Variants in CNTN4 observed in about 807,000 individuals in gnomAD.
The protein encoded by CNTN4 is contactin-4.
A neutral mutation model predicts 122.5 loss-of-function variants in CNTN4; 77 were observed. The observed-to-expected ratio is 0.63, with a 90% CI of 0.52 to 0.76. The LOEUF is 0.76. CNTN4 is among the 30% of genes least tolerant of loss of function. The probability of loss-of-function intolerance (pLI) is 0.00; values close to 1 mark genes in which losing one functional copy is unlikely to be tolerated. For synonymous variants in CNTN4, 512 were observed against 447.0 expected, an observed-to-expected ratio of 1.15 and a Z score of -1.83; for missense variants, 1,256 against 1,259.1, an observed-to-expected ratio of 1.00 and a Z score of 0.04.
intron 4 of CNTN4, among the ~76,000 whole-genome samples, chr3:2,705,581 A>T (rs1486728508): frequency 3.0e-4 from 1 of 3,370 alleles, no homozygotes; most frequent in East Asian, 8.5e-3. Context: ...AAATTTATTT[A>T]TATATATAAA....
chr3:2,526,643 T>C (rs2077407891), intron 3 of CNTN4, among the ~76,000 whole-genome samples: 1 of 152,158 alleles, frequency 6.6e-6, no homozygotes, highest in African/African-American at 2.4e-5. Context: ...TCATGTACTT[T>C]TTTGAAATGG....
rs370146339 is a variant in CNTN4, at chr3:2,840,431, T to A, written c.454+20850T>A. 2.5e-4 allele frequency among the ~76,000 whole-genome samples: 38 copies of A among 151,666 alleles called. No homozygotes were observed. The East Asian group carries it at 5.1e-3, about 20-fold the overall frequency. The stretch of plus-strand genomic sequence containing the variant: ...TTTAGAAAAGCTGGGGCCGGCGCGG[T>A]GGCTCACGCCTGTCATCCCAGCACT... On this transcript the variant is annotated intron_variant, in intron 7 of 24. Transcript: ENST00000418658.
At chr3:2,716,282 G>A (rs1389830666) in intron 4 of CNTN4, among the ~76,000 whole-genome samples, 1 of 151,530 alleles carries the variant, frequency 6.6e-6, no homozygotes, top group Non-Finnish European at 1.5e-5. Context: ...TTGTAATTGA[G>A]ATAAAGCACA....
intron 10 of CNTN4, among the ~76,000 whole-genome samples, chr3:2,891,255 G>T (rs552556020): frequency 5.9e-5 from 9 of 152,218 alleles, no homozygotes; most frequent in Middle Eastern, 3.4e-3. Context: ...CTTGAGGCCA[G>T]GAATTCGAAA....
intron 2 of CNTN4, among the ~76,000 whole-genome samples, chr3:2,173,701 G>A (rs1035826842): frequency 4.6e-5 from 6 of 129,198 alleles, no homozygotes; most frequent in Admixed American, 2.9e-4. Flanking sequence ...AATTTGGTTC[G>A]ACTTGAACAC....
intron 2 of CNTN4, among the ~76,000 whole-genome samples, chr3:2,295,944 G>T (rs529613454): frequency 1.3e-5 from 2 of 151,964 alleles, no homozygotes; most frequent in African/African-American, 4.8e-5. Context: ...AATCCTTTCC[G>T]CATTTCTTGT....
rs140558672 is a variant in CNTN4, at chr3:2,656,516, T to C, written c.56-79699T>C. 6.0e-3 allele frequency among the ~76,000 whole-genome samples: 907 copies of C among 152,368 alleles called. 2 individuals carry two copies. Among genetic ancestry groups the C allele is most frequent in the Non-Finnish European group, 9.7e-3 (663 of 68,032 alleles). ...GTAAATTCCATGAAGACAGCAACTATGTCTGTTCTCTGTTTGAATCCCAAG... is the reference window on the plus strand; with the variant it reads ...GTAAATTCCATGAAGACAGCAACTACGTCTGTTCTCTGTTTGAATCCCAAG... On this transcript the variant is annotated intron_variant, in intron 4 of 24. Transcript: ENST00000418658.
chr3:2,568,853 T>C (rs1050963171), intron 3 of CNTN4, among the ~76,000 whole-genome samples: 1 of 152,216 alleles, frequency 6.6e-6, no homozygotes, highest in African/African-American at 2.4e-5. Context: ...GTAAATACTA[T>C]CATATCATGA....
At chr3:2,872,760 A>G (rs1349139889) in intron 8 of CNTN4, among the ~76,000 whole-genome samples, 5 of 152,072 alleles carry the variant, frequency 3.3e-5, no homozygotes, top group African/African-American at 4.8e-5. Flanking sequence ...TACATTTTGG[A>G]TATAGGTATG....
intron 7 of CNTN4, among the ~76,000 whole-genome samples, chr3:2,826,813 T>C (rs1346425524): frequency 6.6e-6 from 1 of 152,216 alleles, no homozygotes; most frequent in Non-Finnish European, 1.5e-5. Context: ...TCAAGTCAAG[T>C]TGCCAACTCT....
intron 2 of CNTN4, among the ~76,000 whole-genome samples, chr3:2,319,160 T>C (rs1233658174): frequency 6.6e-6 from 1 of 152,124 alleles, no homozygotes; most frequent in East Asian, 1.9e-4. Context: ...TATTAATCAA[T>C]ATATATCAAA....
intron 4 of CNTN4, among the ~76,000 whole-genome samples, chr3:2,699,088 A>G (rs2086210049): frequency 6.6e-6 from 1 of 152,116 alleles, no homozygotes; most frequent in East Asian, 1.9e-4. Context: ...TTTTATTTCT[A>G]ATTGGGAGAC....
At chr3:2,973,540 C>T (rs1036967174) in intron 13 of CNTN4, among the ~76,000 whole-genome samples, 1 of 151,998 alleles carries the variant, frequency 6.6e-6, no homozygotes, top group Non-Finnish European at 1.5e-5. Flanking sequence ...ACTAAGTAAT[C>T]TCTGACCTCT....
chr3:2,155,658 C>CACCATGAGATTTGGACCTCCAAGT (rs2035687165), intron 2 of CNTN4, among the ~76,000 whole-genome samples: 1 of 152,166 alleles, frequency 6.6e-6, no homozygotes, highest in Non-Finnish European at 1.5e-5. Context: ...GCTATCCAAG[C>CACCATGAGATTTGGACCTCCAAGT]ACCATGAGAT....
At chr3:2,547,656 C>T (rs900708774) in intron 3 of CNTN4, among the ~76,000 whole-genome samples, 6 of 152,040 alleles carry the variant, frequency 3.9e-5, no homozygotes, top group Non-Finnish European at 7.4e-5. Flanking sequence ...TCCAGAGAGG[C>T]TCAACTGGAA....
Position 2,465,479 on chromosome 3 carries a change from C to G in CNTN4, c.-88-105937C>G, listed in dbSNP as rs140999478. ...ATTGCCTGAGCTCAGGAGTTCGTGA[C>G]CAGCCTGGGCAACACGGTGAAACCC... On this transcript the variant is annotated intron_variant, in intron 3 of 24. Transcript: ENST00000418658. 2.3e-3 allele frequency among the ~76,000 whole-genome samples: 351 copies of G among 152,134 alleles called. 3 individuals are homozygous for G. The highest frequency in any genetic ancestry group is 8.2e-3 in the African/African-American group (339 of 41,496).
Position 2,333,370 on chromosome 3 carries a change from A to G in CNTN4, c.-144-5808A>G, listed in dbSNP as rs562286581. Among the ~76,000 whole-genome samples, 9 of 152,368 alleles carry G rather than the reference A, an allele frequency of 5.9e-5. No homozygotes were observed. In the East Asian group the frequency reaches 1.7e-3, roughly 29 times the overall value. ...TAATACTGTCATCTCAGGGAGAGCC[A>G]CTGTTCATTAGCTTAAATTGTCAGC... On this transcript the variant is annotated intron_variant, in intron 2 of 24. Transcript: ENST00000418658.
Position 2,662,653 on chromosome 3 carries a change from T to G in CNTN4, c.56-73562T>G, listed in dbSNP as rs143769587. 3.3e-5 allele frequency among the ~76,000 whole-genome samples: 5 copies of G among 152,096 alleles called. No homozygotes were observed. The East Asian group carries it at 9.6e-4, about 29-fold the overall frequency. On this transcript the variant is annotated intron_variant, in intron 4 of 24. Transcript: ENST00000418658. ...CTAGTCTCAACCTCAATGGGCAATA[T>G]GAACTTAGGCAACAGAAGGTATAGG...
At chr3:2,783,152 G>A (rs2091674853) in intron 6 of CNTN4, among the ~76,000 whole-genome samples, 2 of 151,948 alleles carry the variant, frequency 1.3e-5, no homozygotes, top group Non-Finnish European at 2.9e-5. Context: ...AGGACATAGT[G>A]GTGGTACATG....
Sources: allele counts gnomAD v4.1 joint callset (sites outside exome capture counted in the v4.1 genomes callset), GRCh38; gene constraint gnomAD v4.1.1; transcripts MANE v1.5; gene names NCBI Gene and HGNC (gene_info 2026-07-23, HGNC 2026-07-21).